SGK3: variants seen among roughly 807,000 people sequenced by gnomAD.
The protein encoded by SGK3 is serine/threonine-protein kinase Sgk3.
Under a neutral mutation model 68.5 loss-of-function variants are expected in SGK3, and 47 were observed. That is an observed-to-expected ratio of 0.69 (90% CI 0.54 to 0.87). The LOEUF (loss-of-function observed/expected upper bound fraction) is 0.87, where lower values mean the gene tolerates loss of function less well. SGK3 is among the 40% of genes least tolerant of loss of function. The pLI is 0.00. For missense variants in SGK3, 479 were observed against 575.5 expected, an observed-to-expected ratio of 0.83 and a Z score of 1.72; for synonymous variants, 181 against 189.1, an observed-to-expected ratio of 0.96 and a Z score of 0.35.
chr8:66,793,128 G>A (rs1172283751), intron 1 of SGK3, among the ~76,000 whole-genome samples: 1 of 152,206 alleles, frequency 6.6e-6, no homozygotes, highest in Non-Finnish European at 1.5e-5. Flanking sequence ...GCATAGTACA[G>A]TGGTTAAGAG....
chr8:66,719,024 C>T (rs895146495), intron 1 of SGK3, among the ~76,000 whole-genome samples: 5 of 152,020 alleles, frequency 3.3e-5, no homozygotes, highest in African/African-American at 1.2e-4. Flanking sequence ...TTACAGTGAG[C>T]TATGATTGTG....
At chr8:66,842,214 T>TTTC (rs1400367576) in intron 13 of SGK3, among the ~76,000 whole-genome samples, 1 of 151,702 alleles carries the variant, frequency 6.6e-6, no homozygotes, top group Non-Finnish European at 1.5e-5. Context: ...TTCTTTTCTT[T>TTTC]TTCTTTTCCT....
rs754217242 is a variant in SGK3 at position 66,847,315 on chromosome 8, C to A, written c.1197C>A (p.Asp399Glu). ...WSILEELLEKDRQNRLGAKED... is the reference protein window; with the variant it reads ...WSILEELLEKERQNRLGAKED... Reference sequence around the variant, plus strand: ...TTCTGGAAGAACTCCTAGAAAAAGACAGGCAAAATCGACTTGGTGCCAAGG... The same window carrying A: ...TTCTGGAAGAACTCCTAGAAAAAGAAAGGCAAAATCGACTTGGTGCCAAGG... The change falls in exon 15 of 17, where the codon GAC (aspartate) becomes GAA (glutamate). Residue 399 changes from aspartate (D) to glutamate (E), a missense_variant. Around this residue, in one of 3 missense-constraint regions of SGK3, gnomAD observed 173 missense variants for 214.3 expected, o/e 0.81. Coordinates refer to ENST00000521198, the MANE Select transcript of SGK3 (RefSeq NM_001033578.3). 6.2e-7 allele frequency: 1 copy of A among 1,613,938 alleles called. No homozygotes were observed. The highest frequency in any genetic ancestry group is 1.1e-5 in the South Asian group (1 of 91,038).
At chr8:66,858,188 G>A (rs118018170) in intron 16 of SGK3, among the ~76,000 whole-genome samples, 3 of 152,212 alleles carry the variant, frequency 2.0e-5, no homozygotes, top group Non-Finnish European at 2.9e-5. Context: ...ATGCTAGGAC[G>A]GGTGCGGTGG....
At chr8:66,822,540 A>T in intron 6 of SGK3, 81 bp downstream of exon 6, 4 of 1,317,250 alleles carry the variant, frequency 3.0e-6, no homozygotes, top group Non-Finnish European at 4.3e-6. Context: ...ACTTACTTCA[A>T]ATGAAGTAAT....
intron 4 of SGK3, among the ~76,000 whole-genome samples, chr8:66,805,957 A>G (rs938492916): frequency 6.6e-6 from 1 of 152,204 alleles, no homozygotes; most frequent in African/African-American, 2.4e-5. Context: ...CTCCCAGACC[A>G]TATCACTGTG....
rs1439414636 is a variant in SGK3 at position 66,847,306 on chromosome 8, A to G, written c.1188A>G (p.Leu396=). Residue 396 remains leucine, a synonymous_variant, in exon 15 of 17, where the codon CTA becomes CTG. Coordinates refer to ENST00000521198, the MANE Select transcript of SGK3 (RefSeq NM_001033578.3). The part of the protein sequence containing the change: ...LTAWSILEEL[L]EKDRQNRLGA... Reference sequence around the variant, plus strand: ...CCTGGTCCATTCTGGAAGAACTCCTAGAAAAAGACAGGCAAAATCGACTTG... The same window carrying G: ...CCTGGTCCATTCTGGAAGAACTCCTGGAAAAAGACAGGCAAAATCGACTTG... 3 of 1,614,114 alleles carry G rather than the reference A, an allele frequency of 1.9e-6. No individual in the cohort carries two copies. In the East Asian group the frequency reaches 6.7e-5, roughly 36 times the overall value.
intron 1 of SGK3, among the ~76,000 whole-genome samples, chr8:66,723,127 ATATATTTTTTT>A (rs1321796995): frequency 1.5e-3 from 73 of 49,376 alleles, no homozygotes; most frequent in South Asian, 5.5e-3. Flanking sequence ...ATATATATAT[ATATATTTTTTT>A]TTTTTTTTTT....
chr8:66,715,379 T>G (rs1190396651), intron 1 of SGK3, among the ~76,000 whole-genome samples: 1 of 152,138 alleles, frequency 6.6e-6, no homozygotes, highest in East Asian at 1.9e-4. Flanking sequence ...TGCCTCAGCC[T>G]CCCGAGTAGC....
At position 66,847,526 on chromosome 8, in the gene SGK3, T is replaced by G. The variant is rs543930560; in HGVS notation, c.1230+178T>G. Among the ~76,000 whole-genome samples the G allele has an allele frequency of 2.0e-5, 3 of 152,344 alleles. No individual in the cohort carries two copies. In the East Asian group the frequency reaches 5.8e-4, roughly 29 times the overall value. ...TGTATTTATATAAAACTATGTAGTA[T>G]TTAAAGCACTTTCTGTTGCATACAC... On this transcript the variant is annotated intron_variant, in intron 15 of 16. Coordinates refer to ENST00000521198, the MANE Select transcript of SGK3 (RefSeq NM_001033578.3).
At chr8:66,850,803 G>C in intron 15 of SGK3, 28 bp from the exon 16 acceptor site, 5 of 1,569,428 alleles carry the variant, frequency 3.2e-6, no homozygotes, top group Non-Finnish European at 4.3e-6. Flanking sequence ...TTCGGCATTA[G>C]TAAAACAAAT....
chr8:66,750,510 T>C (rs1218464008), intron 1 of SGK3, among the ~76,000 whole-genome samples: 1 of 151,886 alleles, frequency 6.6e-6, no homozygotes, highest in East Asian at 1.9e-4. Context: ...TTGATGAGGA[T>C]TGGTTCGTAT....
chr8:66,831,880 G>A (rs777760914), intron 8 of SGK3, among the ~76,000 whole-genome samples: 2 of 151,866 alleles, frequency 1.3e-5, no homozygotes, highest in Non-Finnish European at 2.9e-5. Context: ...GCCCTGGTTA[G>A]AAAAATTATG....
At chr8:66,748,030 G>A (rs983460001) in intron 1 of SGK3, among the ~76,000 whole-genome samples, 4 of 152,090 alleles carry the variant, frequency 2.6e-5, no homozygotes, top group Admixed American at 6.6e-5. Flanking sequence ...GTCCAATGGA[G>A]AGTTCATAAG....
intron 14 of SGK3, 28 bp from the exon 15 acceptor site, chr8:66,847,165 A>G (rs200523296): frequency 4.4e-5 from 69 of 1,584,780 alleles, no homozygotes; most frequent in Non-Finnish European, 5.6e-5. Context: ...TTTACCACTA[A>G]GTTTATTTTG....
chr8:66,720,578 T>C (rs2130331323), intron 1 of SGK3, among the ~76,000 whole-genome samples: 1 of 150,994 alleles, frequency 6.6e-6, no homozygotes, highest in African/African-American at 2.5e-5. Context: ...GAGACCAGCC[T>C]GGCCAACATG....
intron 4 of SGK3, among the ~76,000 whole-genome samples, chr8:66,810,615 C>T (rs559991086): frequency 2.6e-5 from 4 of 152,246 alleles, no homozygotes; most frequent in East Asian, 3.9e-4. Flanking sequence ...TCAGGAGAAT[C>T]GCTTGAACCT....
intron 1 of SGK3, among the ~76,000 whole-genome samples, chr8:66,721,186 G>A (rs1804784574): frequency 6.6e-6 from 1 of 152,152 alleles, no homozygotes; most frequent in Admixed American, 6.5e-5. Context: ...AAAGCCACCA[G>A]TCTTTCCAGA....
At chr8:66,803,010 A>G (rs1808010974) in intron 3 of SGK3, among the ~76,000 whole-genome samples, 1 of 152,226 alleles carries the variant, frequency 6.6e-6, no homozygotes, top group Admixed American at 6.5e-5. Flanking sequence ...AAAACAAAAC[A>G]TATACACAAT....
Sources: gnomAD v4.1 joint callset for allele counts (sites outside exome capture counted in the v4.1 genomes callset) on GRCh38, gnomAD v4.1.1 for gene constraint, gnomAD v4.1.1 regional missense constraint, MANE v1.5 for transcripts, NCBI Gene and HGNC (gene_info 2026-07-23, HGNC 2026-07-21) for gene names.